TAF3: variants seen among roughly 807,000 people sequenced by gnomAD.
The protein encoded by TAF3 is transcription initiation factor TFIID subunit 3.
A neutral mutation model predicts 80.6 loss-of-function variants in TAF3; 7 were observed. That is an observed-to-expected ratio of 0.09 (90% CI 0.05 to 0.16). TAF3 has a LOEUF of 0.16. TAF3 is among the 10% of genes least tolerant of loss of function. The pLI is 1.00. For missense variants in TAF3, 921 were observed against 1,140.2 expected, an observed-to-expected ratio of 0.81 and a Z score of 2.77; for synonymous variants, 444 against 446.1, an observed-to-expected ratio of 1.00 and a Z score of 0.06.
chr10:7,957,794 GCTCTCT>G (rs376837630), intron 2 of TAF3, among the ~76,000 whole-genome samples: 11 of 130,670 alleles, frequency 8.4e-5, no homozygotes, highest in African/African-American at 1.2e-4. Context: ...TCTCTAGCGC[GCTCTCT>G]CTCTCTCTCT....
At chr10:7,984,907 G>A (rs1349970242) in intron 4 of TAF3, among the ~76,000 whole-genome samples, 1 of 152,150 alleles carries the variant, frequency 6.6e-6, no homozygotes, top group Non-Finnish European at 1.5e-5. Flanking sequence ...TTTAAAAAAA[G>A]AATATGTTTC....
At chr10:7,820,160 C>T (rs1836676578) in intron 1 of TAF3, among the ~76,000 whole-genome samples, 1 of 152,114 alleles carries the variant, frequency 6.6e-6, no homozygotes, top group African/African-American at 2.4e-5. Context: ...TGCCCGTGGC[C>T]CACCAATAGT....
At chr10:7,945,307 G>A (rs1182962253) in intron 2 of TAF3, among the ~76,000 whole-genome samples, 2 of 152,068 alleles carry the variant, frequency 1.3e-5, no homozygotes, top group Non-Finnish European at 1.5e-5. Flanking sequence ...TTCCTATTGG[G>A]TGTGGTTGTT....
chr10:7,985,747 A>G (rs1831769727), intron 4 of TAF3, among the ~76,000 whole-genome samples: 1 of 148,434 alleles, frequency 6.7e-6, no homozygotes, highest in Admixed American at 6.7e-5. Context: ...TTTTTGTGGT[A>G]CTACGCTAGA....
chr10:7,897,754 G>A (rs1403559750), intron 2 of TAF3, among the ~76,000 whole-genome samples: 1 of 151,498 alleles, frequency 6.6e-6, no homozygotes, highest in Non-Finnish European at 1.5e-5. Flanking sequence ...CAAACTCCTG[G>A]GCTCAAGCGA....
At chr10:7,931,204 T>G (rs1837866689) in intron 2 of TAF3, among the ~76,000 whole-genome samples, 1 of 152,222 alleles carries the variant, frequency 6.6e-6, no homozygotes, top group Non-Finnish European at 1.5e-5. Flanking sequence ...AATTCACCCC[T>G]CATAATAACT....
chr10:7,931,550 A>T (rs1414112979), intron 2 of TAF3, among the ~76,000 whole-genome samples: 2 of 152,366 alleles, frequency 1.3e-5, no homozygotes, highest in Non-Finnish European at 2.9e-5. Context: ...TTCTGACATA[A>T]TGAAACTGTA....
intron 2 of TAF3, among the ~76,000 whole-genome samples, chr10:7,894,937 A>G (rs368647092): frequency 5.3e-5 from 8 of 152,074 alleles, no homozygotes; most frequent in East Asian, 3.8e-4. Flanking sequence ...GTGCAGTGGC[A>G]TGGTCTTGGC....
At chr10:7,987,759 C>T (rs1169232676) in intron 4 of TAF3, among the ~76,000 whole-genome samples, 1 of 152,172 alleles carries the variant, frequency 6.6e-6, no homozygotes, top group Non-Finnish European at 1.5e-5. Context: ...ATATGAAAAG[C>T]TAGATCCATT....
rs1161776986 is a variant in TAF3 at position 7,964,540 on chromosome 10, C to T, written c.1030C>T (p.Pro344Ser). ...GAGACCTGAAACGCCCAACAGGACT[C>T]CTTCAGCTACACTCAGTGAAAAAAT... ...PVRPETPNRT[P>S]SATLSEKISK... The change falls in exon 3 of 7, where the codon CCT (proline) becomes TCT (serine). Residue 344 changes from proline (P) to serine (S), a missense_variant. Transcript: ENST00000344293. This position sits in a 1 kb window ranked among gnomAD's most constrained non-coding sequence, Gnocchi z 4.1. The T allele has an allele frequency of 1.9e-6, 3 of 1,613,796 alleles. No individual in the cohort carries two copies. Among genetic ancestry groups the T allele is most frequent in the Non-Finnish European group, 2.5e-6 (3 of 1,179,866 alleles).
chr10:7,863,688 C>CACATATATATAT lies in TAF3; in HGVS notation c.409+39131_409+39132insTATATATATACA, dbSNP rs1837176157. 4.8e-5 allele frequency among the ~76,000 whole-genome samples: 3 copies of CACATATATATAT among 62,582 alleles called. 1 individual carries two copies. Among genetic ancestry groups the CACATATATATAT allele is most frequent in the African/African-American group, 2.2e-4 (3 of 13,424 alleles). The allele number at this position is 62,582 out of a possible 152,430, so 41.1% of individuals were successfully genotyped here. A position where few individuals can be genotyped will look rare whatever the true frequency, so the allele number is the denominator to read the frequency against. On this transcript the variant is annotated intron_variant, in intron 2 of 6. Coordinates refer to ENST00000344293, the MANE Select transcript of TAF3 (RefSeq NM_031923.4). Reference sequence around the variant, plus strand: ...ATATACACACATATATATATATACACACACATATATATATATACACATATA... The same window carrying CACATATATATAT: ...ATATACACACATATATATATATACACACATATATATATACACATATATATATATACACATATA...
intron 2 of TAF3, among the ~76,000 whole-genome samples, chr10:7,916,121 G>C (rs1564362819): frequency 6.6e-6 from 1 of 152,296 alleles, no homozygotes; most frequent in Non-Finnish European, 1.5e-5. Context: ...CAAAGTGTTT[G>C]GTTTGGATGC....
At chr10:7,933,874 C>G (rs750797519) in intron 2 of TAF3, among the ~76,000 whole-genome samples, 1 of 152,148 alleles carries the variant, frequency 6.6e-6, no homozygotes, top group East Asian at 1.9e-4. Context: ...TTCAAAGATG[C>G]ACGTTTTCCC....
chr10:7,882,475 G>C (rs902925426), intron 2 of TAF3, among the ~76,000 whole-genome samples: 3 of 151,972 alleles, frequency 2.0e-5, no homozygotes, highest in South Asian at 2.1e-4. Context: ...AAGTTTGGTC[G>C]TTAAAAAAAA....
At chr10:7,905,346 GTTT>G (rs1334033067) in intron 2 of TAF3, among the ~76,000 whole-genome samples, 1 of 152,062 alleles carries the variant, frequency 6.6e-6, no homozygotes, top group Non-Finnish European at 1.5e-5. Context: ...TGACATTAGA[GTTT>G]TTCTTAATTT....
chr10:7,843,962 A>G (rs943173362), intron 2 of TAF3, among the ~76,000 whole-genome samples: 1 of 152,154 alleles, frequency 6.6e-6, no homozygotes, highest in East Asian at 1.9e-4. Context: ...CACTCTTTCA[A>G]TTTCTGTTAG....
At chr10:7,859,739 A>G (rs1050267956) in intron 2 of TAF3, among the ~76,000 whole-genome samples, 1 of 152,200 alleles carries the variant, frequency 6.6e-6, no homozygotes, top group African/African-American at 2.4e-5. Context: ...TTCCTCTACT[A>G]GAATGTAATC....
chr10:8,008,506 A>T (rs999581135), intron 4 of TAF3, among the ~76,000 whole-genome samples: 5 of 152,198 alleles, frequency 3.3e-5, no homozygotes, highest in African/African-American at 1.2e-4. Context: ...GAAACATTGG[A>T]ATTAAGAAGA....
chr10:7,826,253 T>C (rs1168094087), intron 2 of TAF3, among the ~76,000 whole-genome samples: 1 of 152,182 alleles, frequency 6.6e-6, no homozygotes, highest in Non-Finnish European at 1.5e-5. Context: ...GAACCAAAAC[T>C]AGGACTTTGA....
Sources: allele counts gnomAD v4.1 joint callset (sites outside exome capture counted in the v4.1 genomes callset), GRCh38; gene constraint gnomAD v4.1.1; non-coding constraint Gnocchi (gnomAD v3.1); transcripts MANE v1.5; gene names NCBI Gene and HGNC (gene_info 2026-07-23, HGNC 2026-07-21).